The following RNF217 variants were observed in gnomAD, a reference collection of about 807,000 sequenced individuals.
RNF217 encodes E3 ubiquitin-protein ligase RNF217.
Under a neutral mutation model 57.8 loss-of-function variants are expected in RNF217, and 31 were observed. The ratio of observed to expected loss-of-function variants is 0.54; its 90% CI spans 0.40 to 0.72. The LOEUF (loss-of-function observed/expected upper bound fraction) is 0.72, where lower values mean the gene tolerates loss of function less well. Ranked by LOEUF, RNF217 falls within the 30% of genes least tolerant of loss-of-function variation. The pLI is 0.00. For synonymous variants in RNF217, 313 were observed against 294.0 expected, an observed-to-expected ratio of 1.06 and a Z score of -0.66; for missense variants, 696 against 708.3, an observed-to-expected ratio of 0.98 and a Z score of 0.20.
intron 2 of RNF217, among the ~76,000 whole-genome samples, chr6:125,056,116 A>G (rs1787514479): frequency 1.3e-5 from 2 of 152,286 alleles, no homozygotes; most frequent in East Asian, 1.9e-4. Context: ...TGATATGACC[A>G]TCTTTGACTA....
chr6:125,087,774 T>G lies in RNF217; in HGVS notation c.*4837T>G, dbSNP rs1788812906. ...AACCTAGCAAATAATACTTAATAAGTGTTACCTAATATACCTAATTGGAAT... is the reference window on the plus strand; with the variant it reads ...AACCTAGCAAATAATACTTAATAAGGGTTACCTAATATACCTAATTGGAAT... On this transcript the variant is annotated 3_prime_UTR_variant, in exon 6 of 6. Coordinates refer to ENST00000521654, the MANE Select transcript of RNF217 (RefSeq NM_001286398.3). 1.3e-5 allele frequency: 2 copies of G among 152,056 alleles called. No individual in the cohort carries two copies. The highest frequency in any genetic ancestry group is 2.4e-5 in the African/African-American group (1 of 41,428). The allele number at this position is 152,056 out of a possible 1,614,324, so 9.4% of individuals were successfully genotyped here. A position where few individuals can be genotyped will look rare whatever the true frequency, so the allele number is the denominator to read the frequency against.
In RNF217 at chr6:125,014,243, G is replaced by C. The variant is rs183371230; in HGVS notation, c.883-30968G>C. Among the ~76,000 whole-genome samples the C allele has an allele frequency of 3.4e-3, 523 of 152,280 alleles. 2 individuals are homozygous for C. The highest frequency in any genetic ancestry group is 0.012 in the African/African-American group (500 of 41,574). On this transcript the variant is annotated intron_variant, in intron 1 of 5. Transcript: ENST00000521654. ...TTTATCAAAATACCACCATAGAGTAGATGGGAAGAGATTTTGGAAATAGTG... is the reference window on the plus strand; with the variant it reads ...TTTATCAAAATACCACCATAGAGTACATGGGAAGAGATTTTGGAAATAGTG...
intron 1 of RNF217, among the ~76,000 whole-genome samples, chr6:124,988,366 G>A (rs937690156): frequency 4.6e-5 from 7 of 152,110 alleles, no homozygotes; most frequent in African/African-American, 9.7e-5. Flanking sequence ...AAAACTTTAC[G>A]ACTGCTAACT....
At chr6:125,000,324 CAA>C (rs1784926417) in intron 1 of RNF217, among the ~76,000 whole-genome samples, 2 of 151,968 alleles carry the variant, frequency 1.3e-5, no homozygotes, top group African/African-American at 4.8e-5. Context: ...CTGATTAAAA[CAA>C]GACTCTTTTA....
At chr6:125,050,171 C>T (rs1352044232) in intron 2 of RNF217, among the ~76,000 whole-genome samples, 2 of 151,856 alleles carry the variant, frequency 1.3e-5, no homozygotes, top group African/African-American at 4.8e-5. Flanking sequence ...CATTCTTATT[C>T]CAAGTGCAGA....
At position 125,077,721 on chromosome 6, in the gene RNF217, CT is replaced by C. The variant is rs140982937; in HGVS notation, c.1483+864del. Among the ~76,000 whole-genome samples the C allele has an allele frequency of 7.5e-4, 114 of 152,280 alleles. No individual in the cohort carries two copies. The East Asian group carries it at 0.019, about 25-fold the overall frequency. On this transcript the variant is annotated intron_variant, in intron 4 of 5. Transcript: ENST00000521654. ...TTCCCCTTTTTCATCACATGGATGT[CT>C]GTTAGAATTCCTTTTCTGGCCGTGT...
Position 125,045,463 on chromosome 6 carries a change from G to C in RNF217, c.1116+19G>C, listed in dbSNP as rs1336043686. The C allele has an allele frequency of 6.3e-7, 1 of 1,590,856 alleles. No homozygotes were observed. Among genetic ancestry groups the C allele is most frequent in the South Asian group, 1.1e-5 (1 of 89,636 alleles). On this transcript the variant is annotated intron_variant, in intron 2 of 5. Transcript: ENST00000521654. Reference sequence around the variant, plus strand: ...ATACAAAGTAAGCATTTTCACCAGAGCTGTGGGTTAGATGTCACATGGCAG... The same window carrying C: ...ATACAAAGTAAGCATTTTCACCAGACCTGTGGGTTAGATGTCACATGGCAG...
intron 1 of RNF217, 35 bp from the exon 2 acceptor site, chr6:125,045,176 G>T (rs200530162): frequency 7.1e-7 from 1 of 1,405,988 alleles, no homozygotes. Context: ...AACCAGTGAC[G>T]TTTTTTTCCT....
At position 125,084,361 on chromosome 6, in the gene RNF217, C is replaced by A. The variant is rs993477162; in HGVS notation, c.*1424C>A. 3 of 151,732 alleles carry A rather than the reference C, an allele frequency of 2.0e-5. No homozygotes were observed. The highest frequency in any genetic ancestry group is 2.9e-5 in the Non-Finnish European group (2 of 67,832). The allele number at this position is 151,732 out of a possible 1,614,324, so 9.4% of individuals were successfully genotyped here. A position where few individuals can be genotyped will look rare whatever the true frequency, so the allele number is the denominator to read the frequency against. On this transcript the variant is annotated 3_prime_UTR_variant, in exon 6 of 6. Coordinates refer to ENST00000521654, the MANE Select transcript of RNF217 (RefSeq NM_001286398.3). ...AATAAGAAATTGACAAGTAACTAGA[C>A]TATGATATGCCTTTGCTTTCATCAC... is the stretch of plus-strand genomic sequence containing the variant.
chr6:125,037,029 T>G (rs1786657929), intron 1 of RNF217, among the ~76,000 whole-genome samples: 2 of 151,270 alleles, frequency 1.3e-5, no homozygotes, highest in South Asian at 4.2e-4. Context: ...TGGCGATTCT[T>G]CAAGACTGAT....
intron 1 of RNF217, among the ~76,000 whole-genome samples, chr6:124,987,208 A>T (rs931332550): frequency 2.0e-5 from 3 of 152,240 alleles, no homozygotes; most frequent in African/African-American, 4.8e-5. Context: ...TGGATTTTTT[A>T]AAAATTCCTT....
chr6:125,076,891 C>G, intron 4 of RNF217, 33 bp downstream of exon 4: 1 of 1,572,630 alleles, frequency 6.4e-7, no homozygotes, highest in Non-Finnish European at 8.8e-7. Context: ...GGTGTCTTCC[C>G]TGGGAATTAA....
At chr6:124,984,874 G>A (rs778273251) in intron 1 of RNF217, among the ~76,000 whole-genome samples, 4 of 151,952 alleles carry the variant, frequency 2.6e-5, no homozygotes, top group Admixed American at 6.6e-5. Flanking sequence ...TATAAACTGA[G>A]ACAAAAGACA....
intron 4 of RNF217, 63 bp downstream of exon 4, chr6:125,076,921 G>A: frequency 7.2e-7 from 1 of 1,391,502 alleles, no homozygotes; most frequent in East Asian, 2.3e-5. Context: ...ATAGAACTTG[G>A]AAATGTGCAG....
intron 2 of RNF217, 111 bp from the exon 3 acceptor site, chr6:125,057,831 G>C (rs1351147564): frequency 1.2e-6 from 1 of 814,528 alleles, no homozygotes; most frequent in Non-Finnish European, 1.9e-6. Flanking sequence ...TAGAGGGGGA[G>C]GTATTTTAAA....
At chr6:124,973,567 A>G (rs1186805133) in intron 1 of RNF217, among the ~76,000 whole-genome samples, 1 of 147,394 alleles carries the variant, frequency 6.8e-6, no homozygotes, top group Non-Finnish European at 1.5e-5. Flanking sequence ...AATAAATTAT[A>G]ATATGTTTGC....
rs1176196789 is a variant in RNF217, at chr6:125,083,399, C to T, written c.*462C>T. 6.6e-6 allele frequency: 1 copy of T among 152,450 alleles called. No homozygotes were observed. The highest frequency in any genetic ancestry group is 1.9e-4 in the East Asian group (1 of 5,188). The allele number at this position is 152,450 out of a possible 1,614,324, so 9.4% of individuals were successfully genotyped here. On this transcript the variant is annotated 3_prime_UTR_variant, in exon 6 of 6. Transcript: ENST00000521654. ...TCAGAAGATAAGAGTTCACTGAATG[C>T]ACCTATTATAATCTGTGGCCCCAGC...
chr6:124,965,429 T>C (rs1175617291), intron 1 of RNF217, among the ~76,000 whole-genome samples: 1 of 151,890 alleles, frequency 6.6e-6, no homozygotes, highest in Non-Finnish European at 1.5e-5. Flanking sequence ...CAAAATTAGC[T>C]GGGCATGGTG....
intron 1 of RNF217, among the ~76,000 whole-genome samples, chr6:125,034,216 A>T (rs534619233): frequency 1.3e-5 from 2 of 151,900 alleles, no homozygotes; most frequent in Non-Finnish European, 1.5e-5. Context: ...CCCATTTGTC[A>T]ATTTTTTCTT....
Sources: gnomAD v4.1 joint callset for allele counts (sites outside exome capture counted in the v4.1 genomes callset) on GRCh38, gnomAD v4.1.1 for gene constraint, MANE v1.5 for transcripts, NCBI Gene and HGNC (gene_info 2026-07-23, HGNC 2026-07-21) for gene names.